Variants in DDX1 observed in about 807,000 individuals in gnomAD.
DDX1 encodes ATP-dependent RNA helicase DDX1.
A neutral mutation model predicts 108.7 loss-of-function variants in DDX1; 28 were observed. The ratio of observed to expected loss-of-function variants is 0.26; its 90% confidence interval spans 0.19 to 0.35. DDX1 has a LOEUF of 0.35. Ranked by LOEUF, DDX1 falls within the 10% of genes least tolerant of loss-of-function variation. The probability of loss-of-function intolerance (pLI) is 1.00; values close to 1 mark genes in which losing one functional copy is unlikely to be tolerated. For missense variants in DDX1, 710 were observed against 884.5 expected (o/e 0.80, Z 2.50); for synonymous variants, 295 against 288.9 (o/e 1.02, Z -0.21).
intron 14 of DDX1, among the ~76,000 whole-genome samples, chr2:15,617,016 A>G (rs1292611479): frequency 2.0e-5 from 3 of 152,202 alleles, no homozygotes; most frequent in Non-Finnish European, 2.9e-5. Context: ...TATATCAGTT[A>G]AGGATGTCAA....
chr2:15,595,819 G>A (rs1355153151), intron 3 of DDX1, among the ~76,000 whole-genome samples: 1 of 152,158 alleles, frequency 6.6e-6, no homozygotes, highest in Non-Finnish European at 1.5e-5. Context: ...TAGAATTCAA[G>A]TGGGAATCCA....
At position 15,630,786 on chromosome 2, in the gene DDX1, T is replaced by C. The variant is rs753030680; in HGVS notation, c.2103T>C (p.Tyr701=). Residue 701 remains tyrosine (Y), a synonymous_variant, in exon 26 of 26, where the codon TAT becomes TAC. Transcript: ENST00000233084. ...TTGTGTGTGATGCAGGTGGAAGCTA[T>C]AAAGGCCATGTGGATATTTTGGCAC... is the stretch of plus-strand genomic sequence containing the variant. ...GQKRAAGGGS[Y]KGHVDILAPT... The C allele has an allele frequency of 9.9e-6, 16 of 1,613,588 alleles. No homozygotes were observed. The Admixed American group carries it at 2.7e-4, about 27-fold the overall frequency.
At position 15,595,205 on chromosome 2, in the gene DDX1, A is replaced by G. The variant is rs1665478897; in HGVS notation, c.68+9A>G. The G allele has an allele frequency of 1.3e-6, 2 of 1,597,568 alleles. No individual in the cohort carries two copies. The highest frequency in any genetic ancestry group is 1.1e-5 in the South Asian group (1 of 89,702). ...GAAGAGATGGATTGGCTGTAAGTAC[A>G]TAAAGCCTAAATGTACCTGGGAGAG... On this transcript the variant is annotated intron_variant, in intron 2 of 25. Transcript: ENST00000233084.
At chr2:15,616,525 T>C (rs531577358) in intron 14 of DDX1, among the ~76,000 whole-genome samples, 2 of 152,390 alleles carry the variant, frequency 1.3e-5, no homozygotes, top group Non-Finnish European at 2.9e-5. Context: ...CGAGGCTCAC[T>C]GTTCTCTTCT....
In DDX1 at chr2:15,607,243, C is replaced by A. The variant is rs146433321; in HGVS notation, c.886C>A (p.Arg296=). 6.2e-7 allele frequency: 1 copy of A among 1,613,386 alleles called. No homozygotes were observed. The highest frequency in any genetic ancestry group is 1.3e-5 in the African/African-American group (1 of 74,882). ...APKALIVEPS[R]ELAEQTLNNI... The stretch of plus-strand genomic sequence containing the variant: ...GAAAGCTCTCATTGTTGAACCTTCC[C>A]GGGAGTTAGCTGAACAAACTTTGAA... Residue 296 remains arginine, a synonymous_variant, in exon 13 of 26, where the codon CGG becomes AGG. Coordinates refer to ENST00000233084, the MANE Select transcript of DDX1 (RefSeq NM_004939.3).
At chr2:15,610,191 G>A (rs1217560788) in intron 13 of DDX1, among the ~76,000 whole-genome samples, 2 of 152,140 alleles carry the variant, frequency 1.3e-5, no homozygotes, top group Middle Eastern at 3.2e-3. Context: ...CTCCGCCTCC[G>A]AAAGTGCTGG....
intron 1 of DDX1, among the ~76,000 whole-genome samples, chr2:15,593,975 G>A (rs1018397701): frequency 6.6e-6 from 1 of 152,134 alleles, no homozygotes; most frequent in Non-Finnish European, 1.5e-5. Flanking sequence ...CTCCTCGGGA[G>A]GCTGAGGCAG....
chr2:15,614,804 T>C (rs1010654880), intron 14 of DDX1, among the ~76,000 whole-genome samples: 2 of 152,214 alleles, frequency 1.3e-5, no homozygotes, highest in South Asian at 4.1e-4. Flanking sequence ...AAACATTTAG[T>C]GTGTTTTATT....
At chr2:15,620,160 A>T in intron 16 of DDX1, 48 bp from the exon 17 acceptor site, 2 of 1,485,898 alleles carry the variant, frequency 1.3e-6, no homozygotes, top group Non-Finnish European at 1.9e-6. Context: ...GTGATTTATT[A>T]ATTATTATTA....
chr2:15,602,058 G>A (rs544043484), intron 6 of DDX1, among the ~76,000 whole-genome samples: 234 of 152,310 alleles, frequency 1.5e-3, no homozygotes, highest in African/African-American at 5.4e-3. Flanking sequence ...GAACAAGCTA[G>A]AGACAGTTCT....
At chr2:15,601,533 T>G (rs890652205) in intron 6 of DDX1, among the ~76,000 whole-genome samples, 1 of 152,222 alleles carries the variant, frequency 6.6e-6, no homozygotes, top group Non-Finnish European at 1.5e-5. Context: ...TACTGGTTTA[T>G]TTTTAAAGCT....
At chr2:15,611,743 C>G (rs1665766624) in intron 13 of DDX1, among the ~76,000 whole-genome samples, 1 of 105,140 alleles carries the variant, frequency 9.5e-6, no homozygotes, top group Non-Finnish European at 1.9e-5. Flanking sequence ...GGGGGGCTGA[C>G]CCCCCCACCT....
chr2:15,611,426 G>C (rs546126283), intron 13 of DDX1, among the ~76,000 whole-genome samples: 2 of 148,956 alleles, frequency 1.3e-5, no homozygotes, highest in African/African-American at 5.1e-5. Context: ...GGTGGTGGCC[G>C]GGCAGAGGGG....
intron 21 of DDX1, 43 bp from the exon 22 acceptor site, chr2:15,628,595 T>G: frequency 6.3e-7 from 1 of 1,597,434 alleles, no homozygotes; most frequent in Non-Finnish European, 8.6e-7. Context: ...TTTGAAAAAT[T>G]TAGAAACTAC....
intron 16 of DDX1, among the ~76,000 whole-genome samples, chr2:15,619,262 ACT>A (rs1665951046): frequency 6.6e-6 from 1 of 152,016 alleles, no homozygotes; most frequent in South Asian, 2.1e-4. Context: ...CCAGGGGTGG[ACT>A]CTAGAGACTG....
At chr2:15,624,051 G>A (rs977741272) in intron 19 of DDX1, among the ~76,000 whole-genome samples, 1 of 152,148 alleles carries the variant, frequency 6.6e-6, no homozygotes, top group Non-Finnish European at 1.5e-5. Context: ...AGTAAACACT[G>A]TAAGTATCAG....
At chr2:15,611,544 CGGCTGGCCGGGCGGGGGGCT>C (rs2148743123) in intron 13 of DDX1, among the ~76,000 whole-genome samples, 1 of 132,498 alleles carries the variant, frequency 7.5e-6, no homozygotes, top group African/African-American at 2.9e-5. Flanking sequence ...CCGGACGGGG[CGGCTGGCCGGGCGGGGGGCT>C]GACCCCCCGA....
In DDX1 at chr2:15,606,380, A is replaced by G. The variant is rs80276495; in HGVS notation, c.817+116A>G. On this transcript the variant is annotated intron_variant, in intron 12 of 25. Transcript: ENST00000233084. Reference sequence around the variant, plus strand: ...ATACTTTCCTTGCTGGTTTAGTCACACATCTTTTTTTAACACAGCAGTAAA... The same window carrying G: ...ATACTTTCCTTGCTGGTTTAGTCACGCATCTTTTTTTAACACAGCAGTAAA... 6 of 672,074 alleles carry G rather than the reference A, an allele frequency of 8.9e-6. No homozygotes were observed. In the South Asian group the frequency reaches 9.3e-5, roughly 10 times the overall value. 41.6% of individuals were successfully genotyped at this position (672,074 alleles called of 1,614,324 possible). A position where few individuals can be genotyped will look rare whatever the true frequency, so the allele number is the denominator to read the frequency against.
At position 15,620,306 on chromosome 2, in the gene DDX1, C is replaced by T. The variant is rs768800778; in HGVS notation, c.1305C>T (p.Asp435=). ...CATGGGTTGACTTAAAAGGAGAAGACTCTGTTCCAGATACTGTACACCATG... is the reference window on the plus strand; with the variant it reads ...CATGGGTTGACTTAAAAGGAGAAGATTCTGTTCCAGATACTGTACACCATG... The part of the protein sequence containing the change: ...FPTWVDLKGE[D]SVPDTVHHVV... Residue 435 remains aspartate, a synonymous_variant, in exon 17 of 26, where the codon GAC becomes GAT. Transcript: ENST00000233084. 20 of 1,613,814 alleles carry T rather than the reference C, an allele frequency of 1.2e-5. No individual in the cohort carries two copies. The highest frequency in any genetic ancestry group is 2.2e-5 in the East Asian group (1 of 44,874).
Sources: allele counts gnomAD v4.1 joint callset (sites outside exome capture counted in the v4.1 genomes callset), GRCh38; gene constraint gnomAD v4.1.1; transcripts MANE v1.5; gene names NCBI Gene and HGNC (gene_info 2026-07-23, HGNC 2026-07-21).